The following ABLIM2 variants were observed in gnomAD, a reference collection of about 807,000 sequenced individuals.
ABLIM2 encodes actin binding LIM protein family member 2, also known as actin-binding LIM protein 2.
A neutral mutation model predicts 97.7 loss-of-function variants in ABLIM2; 53 were observed. The ratio of observed to expected loss-of-function variants is 0.54; its 90% CI spans 0.44 to 0.68. The LOEUF is 0.68. Among genes scored for constraint, ABLIM2 ranks in the 30% least tolerant of loss-of-function variants. The probability of loss-of-function intolerance (pLI) is 0.00; values close to 1 mark genes in which losing one functional copy is unlikely to be tolerated. For missense variants in ABLIM2, 835 were observed against 867.2 expected (o/e 0.96, Z 0.47); for synonymous variants, 361 against 345.8 (o/e 1.04, Z -0.49).
chr4:7,996,598 A>T lies in ABLIM2; in HGVS notation c.1619-3671T>A, dbSNP rs1366192761. The stretch of plus-strand genomic sequence containing the variant: ...CTTCAACCATCCAATGTGATATAAG[A>T]ATATGATTCTTTCCAAGAAGAGGGC... On this transcript the variant is annotated intron_variant, in intron 16 of 20. Transcript: ENST00000447017. This position sits in a 1 kb window ranked among gnomAD's most constrained non-coding sequence, Gnocchi z 4.5. 6.6e-6 allele frequency among the ~76,000 whole-genome samples: 1 copy of T among 152,162 alleles called. No individual in the cohort carries two copies. Among genetic ancestry groups the T allele is most frequent in the African/African-American group, 2.4e-5 (1 of 41,438 alleles).
intron 17 of ABLIM2, 39 bp from the exon 18 acceptor site, chr4:7,984,932 G>T (rs141991543): frequency 1.3e-6 from 2 of 1,595,392 alleles, no homozygotes; most frequent in Admixed American, 1.7e-5. Context: ...AGAGACAGGC[G>T]GCACGAGGGT....
At chr4:8,073,007 G>A (rs1038172305) in intron 6 of ABLIM2, among the ~76,000 whole-genome samples, 37 of 152,172 alleles carry the variant, frequency 2.4e-4, no homozygotes, top group African/African-American at 8.2e-4. Context: ...CAGTGGGGCC[G>A]GTGCGAAGGG....
rs976788101 is a variant in ABLIM2, at chr4:8,085,093, C to G, written c.454+3076G>C. Among the ~76,000 whole-genome samples the G allele has an allele frequency of 4.6e-5, 7 of 152,256 alleles. No individual in the cohort carries two copies. The highest frequency in any genetic ancestry group is 1.7e-4 in the African/African-American group (7 of 41,548). On this transcript the variant is annotated intron_variant, in intron 4 of 20. Coordinates refer to ENST00000447017, the MANE Select transcript of ABLIM2 (RefSeq NM_001130083.2). The surrounding 1 kb of genome is among the most constrained non-coding windows in gnomAD (Gnocchi z 6.1). Reference sequence around the variant, plus strand: ...CTCCTTCTGGAAGAAGCCTGTGCGGCCCACCCTAAAGGATTTCTTGTTCCT... The same window carrying G: ...CTCCTTCTGGAAGAAGCCTGTGCGGGCCACCCTAAAGGATTTCTTGTTCCT...
chr4:8,060,064 C>A (rs150461989), intron 7 of ABLIM2, among the ~76,000 whole-genome samples: 1 of 152,168 alleles, frequency 6.6e-6, no homozygotes, highest in Non-Finnish European at 1.5e-5. Context: ...TCTTGTTAAT[C>A]TGTCTTGTTA....
In ABLIM2 at chr4:8,080,665, C is replaced by G; in HGVS notation, c.581+11G>C. The G allele has an allele frequency of 6.3e-7, 1 of 1,595,144 alleles. No individual in the cohort carries two copies. The highest frequency in any genetic ancestry group is 1.7e-5 in the Admixed American group (1 of 58,616). On this transcript the variant is annotated intron_variant, in intron 5 of 20. Transcript: ENST00000447017. ...AGCGGAGGCTCTCACTAGAGCCCTC[C>G]CCCCACTTACTTGCTGATGTACTCG...
At position 8,046,713 on chromosome 4, in the gene ABLIM2, G is replaced by C. The variant is rs530082918; in HGVS notation, c.823-1472C>G. ...GGCTGATCTGTGTCCACATTCGTAG[G>C]TTGAATCCTAACCCCCAGGACCTCA... On this transcript the variant is annotated intron_variant, in intron 8 of 20. Coordinates refer to ENST00000447017, the MANE Select transcript of ABLIM2 (RefSeq NM_001130083.2). The surrounding 1 kb of genome is among the most constrained non-coding windows in gnomAD (Gnocchi z 4.4). Among the ~76,000 whole-genome samples, 1 of 152,326 alleles carries C rather than the reference G, an allele frequency of 6.6e-6. No individual in the cohort carries two copies. The highest frequency in any genetic ancestry group is 2.1e-4 in the South Asian group (1 of 4,828).
chr4:8,091,837 A>C (rs1323822445), intron 3 of ABLIM2, among the ~76,000 whole-genome samples: 1 of 107,192 alleles, frequency 9.3e-6, no homozygotes, highest in African/African-American at 3.8e-5. Context: ...TATAAATAAT[A>C]TAATATATTA....
intron 17 of ABLIM2, among the ~76,000 whole-genome samples, chr4:7,985,728 A>G (rs1021619592): frequency 6.6e-6 from 1 of 152,112 alleles, no homozygotes; most frequent in South Asian, 2.1e-4. Context: ...TGACACTCTG[A>G]GGGGGATGGG....
intron 2 of ABLIM2, among the ~76,000 whole-genome samples, chr4:8,104,795 C>A (rs1056543716): frequency 6.6e-6 from 1 of 152,214 alleles, no homozygotes; most frequent in African/African-American, 2.4e-5. Context: ...AGATGGTCCC[C>A]TTTTAGCAGC....
In ABLIM2 at chr4:8,087,286, C is replaced by T. The variant is rs1476948188; in HGVS notation, c.454+883G>A. Among the ~76,000 whole-genome samples, 1 of 152,188 alleles carries T rather than the reference C, an allele frequency of 6.6e-6. No homozygotes were observed. Among genetic ancestry groups the T allele is most frequent in the Admixed American group, 6.5e-5 (1 of 15,288 alleles). ...GCCTGTGTGCCATCTCATGATCCGG[C>T]AGAGCCACCCCAGCTGGGAAAGGCC... On this transcript the variant is annotated intron_variant, in intron 4 of 20. Transcript: ENST00000447017. The surrounding 1 kb of genome is among the most constrained non-coding windows in gnomAD (Gnocchi z 4.6).
At chr4:8,139,545 G>T (rs1364075783) in intron 1 of ABLIM2, among the ~76,000 whole-genome samples, 1 of 152,104 alleles carries the variant, frequency 6.6e-6, no homozygotes, top group Non-Finnish European at 1.5e-5. Context: ...TCAAAACCAC[G>T]ATGAGATACC....
At chr4:8,053,508 A>G (rs111629453) in intron 8 of ABLIM2, among the ~76,000 whole-genome samples, 10 of 152,332 alleles carry the variant, frequency 6.6e-5, no homozygotes, top group African/African-American at 2.2e-4. Flanking sequence ...TTCGGGGTTC[A>G]CAGACATGAG....
At chr4:7,982,492 G>A (rs1252892703) in intron 20 of ABLIM2, among the ~76,000 whole-genome samples, 3 of 152,224 alleles carry the variant, frequency 2.0e-5, no homozygotes, top group Non-Finnish European at 4.4e-5. Flanking sequence ...ACTTTGGCAC[G>A]TAGTAGTTAC....
rs767473000 is a variant in ABLIM2, at chr4:8,127,530, G to A, written c.11-20893C>T. 87 of 1,289,622 alleles carry A rather than the reference G, an allele frequency of 6.7e-5. No individual in the cohort carries two copies. Among genetic ancestry groups the A allele is most frequent in the South Asian group, 1.1e-4 (9 of 81,032 alleles). 79.9% of individuals were successfully genotyped at this position (1,289,622 alleles called of 1,614,324 possible). On this transcript the variant is annotated intron_variant, in intron 1 of 20. Transcript: ENST00000447017. The surrounding 1 kb of genome is among the most constrained non-coding windows in gnomAD (Gnocchi z 7.3). ...CCAGCCGGATGGTCTGGGCAAAAGC[G>A]CAGTTTGGGGATTTACCTGTGTCTC...
At chr4:7,981,401 T>C (rs1276375174) in intron 20 of ABLIM2, among the ~76,000 whole-genome samples, 1 of 152,142 alleles carries the variant, frequency 6.6e-6, no homozygotes, top group African/African-American at 2.4e-5. Context: ...ACCGAACCAA[T>C]GTGTACCTTA....
chr4:7,981,529 C>T (rs1466666860), intron 20 of ABLIM2, among the ~76,000 whole-genome samples: 1 of 152,234 alleles, frequency 6.6e-6, no homozygotes, highest in East Asian at 1.9e-4. Context: ...TGGTCACTCA[C>T]ATTTGGCTCA....
At chr4:8,090,532 T>A (rs1340346929) in intron 3 of ABLIM2, among the ~76,000 whole-genome samples, 1 of 152,086 alleles carries the variant, frequency 6.6e-6, no homozygotes, top group African/African-American at 2.4e-5. Flanking sequence ...TACACACCCA[T>A]ATAACTGCCA....
intron 1 of ABLIM2, among the ~76,000 whole-genome samples, chr4:8,154,986 G>A (rs890350128): frequency 6.6e-5 from 10 of 152,208 alleles, no homozygotes; most frequent in African/African-American, 1.2e-4. Flanking sequence ...ACCAGCTATC[G>A]CCAGCCTTAA....
chr4:7,983,503 G>C (rs1234609522), intron 19 of ABLIM2, 44 bp downstream of exon 19: 1 of 1,611,590 alleles, frequency 6.2e-7, no homozygotes, highest in Admixed American at 1.7e-5. Context: ...ACCTGGGCAG[G>C]TGTGGCGCGG....
Sources: allele counts gnomAD v4.1 joint callset (sites outside exome capture counted in the v4.1 genomes callset), GRCh38; gene constraint gnomAD v4.1.1; non-coding constraint Gnocchi (gnomAD v3.1); transcripts MANE v1.5; gene names NCBI Gene and HGNC (gene_info 2026-07-23, HGNC 2026-07-21).